Variants in MED25 observed in about 807,000 individuals in gnomAD.
MED25 encodes mediator of RNA polymerase II transcription subunit 25.
A neutral mutation model predicts 89.4 loss-of-function variants in MED25; 62 were observed. The observed-to-expected ratio is 0.69, with a 90% confidence interval of 0.57 to 0.86. MED25 has a LOEUF of 0.86. Ranked by LOEUF, MED25 falls within the 40% of genes least tolerant of loss-of-function variation. The pLI is 0.00. For missense variants in MED25, 905 were observed against 1,005.2 expected (o/e 0.90, Z 1.35); for synonymous variants, 449 against 427.9 (o/e 1.05, Z -0.61).
At chr19:49,819,145 T>TA (rs2073963212) in intron 2 of MED25, 27 bp from the exon 3 acceptor site, 1 of 1,613,780 alleles carries the variant, frequency 6.2e-7, no homozygotes, top group African/African-American at 1.3e-5. Flanking sequence ...GGTCCCAGAT[T>TA]AAAAGTTTTC....
chr19:49,835,733 C>T lies in MED25; in HGVS notation c.1753C>T (p.Leu585Phe). The change falls in exon 16 of 18, where the codon CTC becomes TTC. Residue 585 changes from leucine to phenylalanine, a missense_variant. Coordinates refer to ENST00000312865, the MANE Select transcript of MED25 (RefSeq NM_030973.4). The surrounding 1 kb of genome is among the most constrained non-coding windows in gnomAD (Gnocchi z 6.2). ...CTGTGTCTCTTCCCACCAGCTCCAG[C>T]TCCGCCCACCGCAGCCCCAGCCTCA... ...QARPSQNLLQ[L>F]RPPQPQPQGT... 1 of 1,609,786 alleles carries T rather than the reference C, an allele frequency of 6.2e-7. No homozygotes were observed. Among genetic ancestry groups the T allele is most frequent in the Non-Finnish European group, 8.5e-7 (1 of 1,178,630 alleles).
downstream of MED25, chr19:49,838,572 A>G (rs1393640140): frequency 2.2e-6 from 1 of 457,440 alleles, no homozygotes; most frequent in Admixed American, 2.3e-5. Context: ...CCATGTCTCT[A>G]TCACAAGCGG....
chr19:49,830,019 T>G lies in MED25; in HGVS notation c.689-69T>G, dbSNP rs1338557606. On this transcript the variant is annotated intron_variant, in intron 6 of 17. Transcript: ENST00000312865. The surrounding 1 kb of genome is among the most constrained non-coding windows in gnomAD (Gnocchi z 4.6). ...CCCCAGCTCCCTCTGACTTGGATTT[T>G]GGATTTCTCTCCTTTCTCTGCATCT... The G allele has an allele frequency of 6.3e-7, 1 of 1,597,396 alleles. No homozygotes were observed. Among genetic ancestry groups the G allele is most frequent in the East Asian group, 2.2e-5 (1 of 44,582 alleles).
rs1218122867 is a variant in MED25, at chr19:49,836,931, T to C, written c.2231T>C (p.Met744Thr). The change falls in exon 18 of 18, where the codon ATG becomes ACG. Residue 744 changes from methionine to threonine, a missense_variant. Physicochemically the swap from Met to Thr is moderately conservative, Grantham distance 81. This residue lies in a region of MED25 where 271 missense variants were observed against 258.1 expected (regional missense o/e 1.05). Transcript: ENST00000312865. The surrounding 1 kb of genome is among the most constrained non-coding windows in gnomAD (Gnocchi z 5.1). ...QPSVMEDDILMDLI is the reference protein window; with the variant it reads ...QPSVMEDDILTDLI ...AGCGTCATGGAGGACGACATCCTCA[T>C]GGATCTCATCTGAATCCCCAACACC... 6.2e-7 allele frequency: 1 copy of C among 1,612,978 alleles called. No homozygotes were observed. The highest frequency in any genetic ancestry group is 1.1e-5 in the South Asian group (1 of 90,974).
downstream of MED25, chr19:49,839,919 C>G (rs562444195): frequency 1.3e-5 from 2 of 152,278 alleles, no homozygotes; most frequent in South Asian, 4.1e-4. Context: ...TGAATGCAGA[C>G]CATAAATAGT....
Position 49,829,728 on chromosome 19 carries a change from C to G in MED25, c.526-58C>G. 1.3e-6 allele frequency: 2 copies of G among 1,521,704 alleles called. No individual in the cohort carries two copies. The highest frequency in any genetic ancestry group is 2.4e-5 in the South Asian group (2 of 83,692). 94.3% of individuals were successfully genotyped at this position (1,521,704 alleles called of 1,614,324 possible). A position where few individuals can be genotyped will look rare whatever the true frequency, so the allele number is the denominator to read the frequency against. On this transcript the variant is annotated intron_variant, in intron 5 of 17. Coordinates refer to ENST00000312865, the MANE Select transcript of MED25 (RefSeq NM_030973.4). This position sits in a 1 kb window ranked among gnomAD's most constrained non-coding sequence, Gnocchi z 4.6. ...ACAGCAGTTGTGGTAGGTTGGGGGCCGGCCCCAACACCCTTATGGAGGGGG... is the reference window on the plus strand; with the variant it reads ...ACAGCAGTTGTGGTAGGTTGGGGGCGGGCCCCAACACCCTTATGGAGGGGG...
In MED25 at chr19:49,835,321, G is replaced by T; in HGVS notation, c.1674+144G>T. 1 of 1,052,584 alleles carries T rather than the reference G, an allele frequency of 9.5e-7. No homozygotes were observed. The highest frequency in any genetic ancestry group is 1.3e-5 in the South Asian group (1 of 76,034). The allele number at this position is 1,052,584 out of a possible 1,614,324, so 65.2% of individuals were successfully genotyped here. ...AGCTAAGTCCCACTCAGATTTTCTT[G>T]CAGTCTCTCTCCTTTTTCAGCATCC... On this transcript the variant is annotated intron_variant, in intron 14 of 17. Coordinates refer to ENST00000312865, the MANE Select transcript of MED25 (RefSeq NM_030973.4). This position sits in a 1 kb window ranked among gnomAD's most constrained non-coding sequence, Gnocchi z 6.2.
intron 3 of MED25, among the ~76,000 whole-genome samples, chr19:49,825,213 GGTTA>G (rs2074008279): frequency 1.3e-5 from 2 of 151,902 alleles, no homozygotes; most frequent in Non-Finnish European, 2.9e-5. Context: ...ATCTCAAACT[GGTTA>G]GTTTATCACA....
Position 49,830,920 on chromosome 19 carries a change from TTCC to T in MED25, c.1101+38_1101+40del. The T allele has an allele frequency of 6.3e-7, 1 of 1,591,588 alleles. No individual in the cohort carries two copies. On this transcript the variant is annotated intron_variant, in intron 9 of 17. Coordinates refer to ENST00000312865, the MANE Select transcript of MED25 (RefSeq NM_030973.4). This position sits in a 1 kb window ranked among gnomAD's most constrained non-coding sequence, Gnocchi z 4.6. ...CCTGCACGCCTCCTGCCCCTGCTCC[TTCC>T]TCCTGCTGTCCACAGCTAGGACAGT...
At position 49,828,442 on chromosome 19, in the gene MED25, C is replaced by T. The variant is rs2074029856; in HGVS notation, c.306-7C>T. ...AACCCTGGGGGCTGACCGCTCTGCC[C>T]CTGCAGGTTCATGGGCGGGGGTGGT... On this transcript the variant is annotated splice_region_variant and splice_polypyrimidine_tract_variant and intron_variant, in intron 3 of 17. Transcript: ENST00000312865. The T allele has an allele frequency of 6.2e-7, 1 of 1,610,274 alleles. No homozygotes were observed. Among genetic ancestry groups the T allele is most frequent in the Admixed American group, 1.7e-5 (1 of 60,012 alleles).
chr19:49,832,232 A>AC, intron 12 of MED25, 75 bp downstream of exon 12: 1 of 1,516,536 alleles, frequency 6.6e-7, no homozygotes, highest in Non-Finnish European at 9.0e-7. Context: ...TCCCTGCCCC[A>AC]CCCCCACTCC....
Position 49,834,586 on chromosome 19 carries a change from GACCC to G in MED25, c.1483-396_1483-393del. ...AGGATCTCTTGGATACCCGGGGTCC[GACCC>G]ACCGTTGATCACAGGCCTGTGGGTA... is the stretch of plus-strand genomic sequence containing the variant. On this transcript the variant is annotated intron_variant, in intron 13 of 17. Coordinates refer to ENST00000312865, the MANE Select transcript of MED25 (RefSeq NM_030973.4). The surrounding 1 kb of genome is among the most constrained non-coding windows in gnomAD (Gnocchi z 4.1). The G allele has an allele frequency of 3.3e-6, 1 of 307,648 alleles. No individual in the cohort carries two copies. Among genetic ancestry groups the G allele is most frequent in the Non-Finnish European group, 6.4e-6 (1 of 156,794 alleles). 19.1% of individuals were successfully genotyped at this position (307,648 alleles called of 1,614,324 possible).
In MED25 at chr19:49,835,394, G is replaced by A. The variant is rs555552790; in HGVS notation, c.1675-140G>A. Reference sequence around the variant, plus strand: ...TCCTCCTGGAGACCTTGGAGTGTACGGCATCCCTCCCAGACCACTCACCCC... The same window carrying A: ...TCCTCCTGGAGACCTTGGAGTGTACAGCATCCCTCCCAGACCACTCACCCC... On this transcript the variant is annotated intron_variant, in intron 14 of 17. Transcript: ENST00000312865. This position sits in a 1 kb window ranked among gnomAD's most constrained non-coding sequence, Gnocchi z 6.2. The A allele has an allele frequency of 2.5e-5, 25 of 984,678 alleles. No homozygotes were observed. Among genetic ancestry groups the A allele is most frequent in the South Asian group, 2.2e-4 (14 of 63,740 alleles). The allele number at this position is 984,678 out of a possible 1,614,324, so 61.0% of individuals were successfully genotyped here.
In MED25 at chr19:49,830,201, G is replaced by A. The variant is rs1015978148; in HGVS notation, c.802G>A (p.Val268Ile). ...SAAPQQPLPPVPPQYQVPGNL... is the reference protein window; with the variant it reads ...SAAPQQPLPPIPPQYQVPGNL... ...AGCCCCCCAGCAGCCTCTGCCCCCC[G>A]TCCCCCCGCAGTACCAGGTATGGAT... The change falls in exon 7 of 18, where the codon GTC (valine) becomes ATC (isoleucine). Residue 268 changes from valine (V) to isoleucine (I), a missense_variant. This residue lies in a region of MED25 where 501 missense variants were observed against 526.9 expected (regional missense o/e 0.95). Coordinates refer to ENST00000312865, the MANE Select transcript of MED25 (RefSeq NM_030973.4). The surrounding 1 kb of genome is among the most constrained non-coding windows in gnomAD (Gnocchi z 4.6). 51 of 1,603,708 alleles carry A rather than the reference G, an allele frequency of 3.2e-5. 1 individual carries two copies. Among genetic ancestry groups the A allele is most frequent in the East Asian group, 2.0e-4 (9 of 44,642 alleles).
intron 3 of MED25, among the ~76,000 whole-genome samples, chr19:49,826,885 G>A (rs1434571772): frequency 6.6e-6 from 1 of 152,124 alleles, no homozygotes; most frequent in African/African-American, 2.4e-5. Flanking sequence ...GATGGACGGG[G>A]TGCAGGACTC....
At chr19:49,838,944 G>A, downstream of MED25, 1 of 367,574 alleles carries the variant, frequency 2.7e-6, no homozygotes, top group South Asian at 2.1e-5. Flanking sequence ...TTATAAAGGA[G>A]CAGAGTGACG....
In MED25 at chr19:49,828,851, G is replaced by A. The variant is rs965726829; in HGVS notation, c.405-119G>A. 8.5e-6 allele frequency: 13 copies of A among 1,537,596 alleles called. No homozygotes were observed. The Admixed American group carries it at 1.9e-4, about 23-fold the overall frequency. On this transcript the variant is annotated intron_variant, in intron 4 of 17. Transcript: ENST00000312865. The stretch of plus-strand genomic sequence containing the variant: ...CTCAGTGTTCTCAGCTGTAAAGTAG[G>A]GGCGTTGCTTCTGATTCCATGTGAG...
chr19:49,820,600 C>CT (rs2073975210), intron 3 of MED25, among the ~76,000 whole-genome samples: 1 of 152,206 alleles, frequency 6.6e-6, no homozygotes, highest in South Asian at 2.1e-4. Flanking sequence ...TTTCTTCTCT[C>CT]TATGTTGAGG....
downstream of MED25, chr19:49,839,427 C>T (rs1263555664): frequency 2.0e-5 from 3 of 153,060 alleles, no homozygotes; most frequent in African/African-American, 2.4e-5. Context: ...GCGATGCTCT[C>T]GACACTTCCG....
Sources: allele counts gnomAD v4.1 joint callset (sites outside exome capture counted in the v4.1 genomes callset), GRCh38; gene constraint gnomAD v4.1.1; regional missense constraint gnomAD v4.1.1; non-coding constraint Gnocchi (gnomAD v3.1); transcripts MANE v1.5; gene names NCBI Gene and HGNC (gene_info 2026-07-23, HGNC 2026-07-21).